The following SRFBP1 variants were observed in gnomAD, a reference collection of about 807,000 sequenced individuals.
The protein encoded by SRFBP1 is serum response factor binding protein 1.
Under a neutral mutation model 45.5 loss-of-function variants are expected in SRFBP1, and 47 were observed. That is an observed-to-expected ratio of 1.03 (90% CI 0.82 to 1.32). The LOEUF (loss-of-function observed/expected upper bound fraction) is 1.32. Ranked by LOEUF, SRFBP1 falls within the 40% of genes most tolerant of loss-of-function variation. The pLI is 0.00. For missense variants in SRFBP1, 621 were observed against 484.6 expected (o/e 1.28, Z -2.64); for synonymous variants, 203 against 166.3 (o/e 1.22, Z -1.70).
chr5:122,058,528 T>TTGTG (rs1561411703), intron 2 of SRFBP1, among the ~76,000 whole-genome samples: 3 of 117,712 alleles, frequency 2.5e-5, no homozygotes. Flanking sequence ...GACAATGAGA[T>TTGTG]AGTGTGTGTG....
At chr5:121,968,950 G>A (rs1043447851) in intron 1 of SRFBP1, among the ~76,000 whole-genome samples, 1 of 152,096 alleles carries the variant, frequency 6.6e-6, no homozygotes, top group Non-Finnish European at 1.5e-5. Flanking sequence ...ATAGATTTTT[G>A]TTACAGGCTA....
chr5:122,042,916 C>T (rs1236116989), intron 2 of SRFBP1, among the ~76,000 whole-genome samples: 1 of 152,068 alleles, frequency 6.6e-6, no homozygotes, highest in Non-Finnish European at 1.5e-5. Context: ...ATATAGGCCT[C>T]AGAAGTCTTT....
intron 7 of SRFBP1, among the ~76,000 whole-genome samples, chr5:122,025,203 C>T (rs1272541884): frequency 6.6e-6 from 1 of 151,976 alleles, no homozygotes. Context: ...TGAGTGAGGA[C>T]ATGCGGTGTT....
intron 4 of SRFBP1, among the ~76,000 whole-genome samples, 164 bp downstream of exon 4, chr5:121,994,834 A>G (rs911191562): frequency 7.9e-5 from 12 of 152,102 alleles, no homozygotes; most frequent in African/African-American, 2.4e-4. Flanking sequence ...TTATACTAAC[A>G]TATACATTTT....
At chr5:122,076,850 A>C, downstream of SRFBP1, 1 of 1,567,990 alleles carries the variant, frequency 6.4e-7, no homozygotes, top group Non-Finnish European at 8.8e-7. Context: ...GCGCCCCCTG[A>C]AGGTAGACCG....
chr5:122,076,833 C>A (rs1754651303), downstream of SRFBP1: 11 of 1,467,958 alleles, frequency 7.5e-6, no homozygotes, highest in South Asian at 1.0e-4. Context: ...CAGAACCAGG[C>A]ACCAGAGCGC....
intron 2 of SRFBP1, among the ~76,000 whole-genome samples, chr5:122,046,457 T>C (rs1753861142): frequency 1.3e-5 from 2 of 152,228 alleles, no homozygotes; most frequent in Admixed American, 6.5e-5. Context: ...TGTTGGACAT[T>C]TGGGTTGGTT....
chr5:122,034,183 G>T (rs972760750), intron 2 of SRFBP1, among the ~76,000 whole-genome samples: 3 of 152,108 alleles, frequency 2.0e-5, no homozygotes, highest in Non-Finnish European at 4.4e-5. Flanking sequence ...GCATATAGTT[G>T]GTTCTTTATG....
rs187249228 is a variant in SRFBP1 at position 122,051,835 on chromosome 5, G to C, written n.312-23480G>C. Among the ~76,000 whole-genome samples, 8 of 152,170 alleles carry C rather than the reference G, an allele frequency of 5.3e-5. No individual in the cohort carries two copies. The East Asian group carries it at 1.5e-3, about 29-fold the overall frequency. On this transcript the variant is annotated intron_variant and non_coding_transcript_variant, in intron 2 of 2. Coordinates refer to the SRFBP1 transcript ENST00000504881. ...TATTATGCAGACTTTTTGTGTGGTTGCTTTGTAGTGTCACTGGTATGTATA... is the reference window on the plus strand; with the variant it reads ...TATTATGCAGACTTTTTGTGTGGTTCCTTTGTAGTGTCACTGGTATGTATA...
downstream of SRFBP1, chr5:122,077,555 T>G (rs1358871918): frequency 6.2e-7 from 1 of 1,613,140 alleles, no homozygotes; most frequent in African/African-American, 1.3e-5. The surrounding 1 kb of genome is among the most constrained non-coding windows in gnomAD (Gnocchi z 4.9). Flanking sequence ...CGCTGTCTGG[T>G]TCTCCGCGCG....
At chr5:122,025,881 G>T (rs575836541) in intron 7 of SRFBP1, among the ~76,000 whole-genome samples, 1 of 152,068 alleles carries the variant, frequency 6.6e-6, no homozygotes, top group Non-Finnish European at 1.5e-5. Flanking sequence ...TGGGTGGATC[G>T]TCTGAGGTCA....
chr5:121,973,970 A>T (rs940986269), intron 1 of SRFBP1, among the ~76,000 whole-genome samples: 2 of 151,856 alleles, frequency 1.3e-5, no homozygotes, highest in Non-Finnish European at 2.9e-5. Context: ...TGACTTTTTA[A>T]AAAATTATAA....
At position 122,027,203 on chromosome 5, in the gene SRFBP1, C is replaced by T; in HGVS notation, c.*77C>T. Reference sequence around the variant, plus strand: ...TAAGACAGGATCTCATTCTGTTGCCCAGACTAGAGTACAATATTGCAATCA... The same window carrying T: ...TAAGACAGGATCTCATTCTGTTGCCTAGACTAGAGTACAATATTGCAATCA... On this transcript the variant is annotated 3_prime_UTR_variant, in exon 8 of 8. Coordinates refer to ENST00000339397, the MANE Select transcript of SRFBP1 (RefSeq NM_152546.3). 8.4e-7 allele frequency: 1 copy of T among 1,193,544 alleles called. No homozygotes were observed. The highest frequency in any genetic ancestry group is 2.3e-5 in the Admixed American group (1 of 42,556). The allele number at this position is 1,193,544 out of a possible 1,614,324, so 73.9% of individuals were successfully genotyped here. A position where few individuals can be genotyped will look rare whatever the true frequency, so the allele number is the denominator to read the frequency against.
intron 2 of SRFBP1, among the ~76,000 whole-genome samples, chr5:122,073,706 C>A (rs1469947437): frequency 6.6e-6 from 1 of 152,100 alleles, no homozygotes; most frequent in African/African-American, 2.4e-5. Flanking sequence ...TGAATAGGGG[C>A]CACATGCATA....
At chr5:122,003,336 C>T (rs1391955818) in intron 4 of SRFBP1, among the ~76,000 whole-genome samples, 1 of 147,672 alleles carries the variant, frequency 6.8e-6, no homozygotes, top group East Asian at 2.0e-4. Flanking sequence ...GAGTGAGACC[C>T]TGTCTCAGAG....
chr5:122,032,451 C>T (rs1753607369), downstream of SRFBP1, among the ~76,000 whole-genome samples: 1 of 146,088 alleles, frequency 6.8e-6, no homozygotes, highest in South Asian at 2.3e-4. Flanking sequence ...TTCCTGTGTT[C>T]CTGTTTGCAC....
intron 1 of SRFBP1, among the ~76,000 whole-genome samples, chr5:121,966,531 C>G (rs1319319278): frequency 1.3e-5 from 2 of 152,114 alleles, no homozygotes; most frequent in African/African-American, 4.8e-5. Context: ...TGCTTTTTTT[C>G]CTCCCTTTCC....
intron 2 of SRFBP1, chr5:122,066,593 CT>C: frequency 1.7e-6 from 1 of 585,888 alleles, no homozygotes; most frequent in Non-Finnish European, 3.1e-6. Flanking sequence ...CAGTTATGTG[CT>C]TTGTTATTGA....
At chr5:121,990,845 C>G (rs555226725) in intron 3 of SRFBP1, among the ~76,000 whole-genome samples, 2 of 152,302 alleles carry the variant, frequency 1.3e-5, no homozygotes, top group Admixed American at 1.3e-4. Context: ...CACGTTCTCA[C>G]TTGAAGCAGA....
Sources: gnomAD v4.1 joint callset for allele counts (sites outside exome capture counted in the v4.1 genomes callset) on GRCh38, gnomAD v4.1.1 for gene constraint, Gnocchi (gnomAD v3.1) non-coding constraint, MANE v1.5 for transcripts, NCBI Gene and HGNC (gene_info 2026-07-23, HGNC 2026-07-21) for gene names.